MBP: variants seen among roughly 807,000 people sequenced by gnomAD.
MBP encodes the protein Golli-MBP.
In MBP, 16 loss-of-function variants were observed where a neutral mutation model predicts 35.8. The observed-to-expected ratio is 0.45, with a 90% CI of 0.30 to 0.68. The LOEUF is 0.68. Among genes scored for constraint, MBP ranks in the 30% least tolerant of loss-of-function variants. MBP has a pLI of 0.08. For missense variants in MBP, 380 were observed against 404.7 expected, an observed-to-expected ratio of 0.94 and a Z score of 0.52; for synonymous variants, 143 against 159.6, an observed-to-expected ratio of 0.90 and a Z score of 0.78.
chr18:76,982,749 A>G (rs1022935555), intron 8 of MBP: 3 of 152,210 alleles, frequency 2.0e-5, no homozygotes, highest in African/African-American at 7.2e-5. Context: ...GAGCTGATTT[A>G]TTAATCTATT....
intron 1 of MBP, chr18:77,108,763 T>C (rs775719973): frequency 2.0e-5 from 3 of 152,234 alleles, no homozygotes; most frequent in Non-Finnish European, 2.9e-5. Flanking sequence ...TAATTCAGCA[T>C]AGATAAAACT....
chr18:77,026,443 A>G (rs1430908878), intron 3 of MBP, among the ~76,000 whole-genome samples: 1 of 151,640 alleles, frequency 6.6e-6, no homozygotes, highest in Non-Finnish European at 1.5e-5. Flanking sequence ...TTCTCCACGA[A>G]GGCAATCACA....
chr18:77,052,817 A>G (rs996804707), intron 3 of MBP, among the ~76,000 whole-genome samples: 9 of 151,944 alleles, frequency 5.9e-5, no homozygotes, highest in African/African-American at 2.2e-4. Context: ...TGAGTCCCCG[A>G]GCCCCCACTC....
chr18:77,060,502 G>A (rs935103008), intron 3 of MBP, among the ~76,000 whole-genome samples: 1 of 137,028 alleles, frequency 7.3e-6, no homozygotes, highest in African/African-American at 3.0e-5. Flanking sequence ...TGCCCAGGCT[G>A]GAGTGCAGTG....
intron 3 of MBP, among the ~76,000 whole-genome samples, chr18:77,064,058 C>T (rs1414968935): frequency 6.6e-6 from 1 of 152,166 alleles, no homozygotes; most frequent in Non-Finnish European, 1.5e-5. Context: ...TTCTAGAACT[C>T]ACTTTTATTT....
intron 3 of MBP, among the ~76,000 whole-genome samples, chr18:77,028,460 C>G (rs1194862378): frequency 9.3e-6 from 1 of 107,372 alleles, no homozygotes; most frequent in East Asian, 2.6e-4. Context: ...TTCTATTCCA[C>G]AAAACCGCCA....
intron 4 of MBP, among the ~76,000 whole-genome samples, chr18:76,998,643 T>A (rs1056795035): frequency 1.3e-5 from 2 of 152,168 alleles, no homozygotes; most frequent in Admixed American, 6.5e-5. Flanking sequence ...GCACGCGGCA[T>A]CGGGACATTG....
chr18:77,063,654 CA>C (rs1323928093), intron 3 of MBP, among the ~76,000 whole-genome samples: 1 of 152,174 alleles, frequency 6.6e-6, no homozygotes, highest in Non-Finnish European at 1.5e-5. Context: ...CTCTTCCTAT[CA>C]AAACACAACC....
chr18:77,058,204 C>T (rs1973820294), intron 3 of MBP, among the ~76,000 whole-genome samples: 1 of 152,184 alleles, frequency 6.6e-6, no homozygotes, highest in African/African-American at 2.4e-5. Flanking sequence ...CATCCCCTCC[C>T]CAGCCCTGGA....
chr18:77,128,448 T>C (rs1213071089), intron 1 of MBP, among the ~76,000 whole-genome samples: 1 of 152,068 alleles, frequency 6.6e-6, no homozygotes, highest in East Asian at 1.9e-4. Context: ...AACTCTCCTG[T>C]CCTCTGATGT....
intron 2 of MBP, among the ~76,000 whole-genome samples, chr18:77,096,390 T>G (rs1003059021): frequency 1.1e-4 from 17 of 152,174 alleles, no homozygotes; most frequent in African/African-American, 4.1e-4. Context: ...GCAGGGGGTG[T>G]GATTGCCCCT....
intron 2 of MBP, among the ~76,000 whole-genome samples, chr18:77,088,580 T>C (rs1383256262): frequency 1.3e-5 from 2 of 152,248 alleles, no homozygotes; most frequent in Admixed American, 1.3e-4. Flanking sequence ...ATTAAAATGT[T>C]CTAGAGATAT....
intron 2 of MBP, among the ~76,000 whole-genome samples, chr18:77,091,533 C>A (rs888616302): frequency 2.0e-5 from 3 of 151,956 alleles, no homozygotes; most frequent in African/African-American, 7.3e-5. Context: ...CGGGAAGAGG[C>A]CACACAGTGT....
At chr18:77,094,221 G>A (rs1307160946) in intron 2 of MBP, among the ~76,000 whole-genome samples, 1 of 152,206 alleles carries the variant, frequency 6.6e-6, no homozygotes, top group Non-Finnish European at 1.5e-5. Flanking sequence ...TGATCTGCCT[G>A]CCTTGGCCTC....
chr18:77,092,068 A>G (rs562573880), intron 2 of MBP, among the ~76,000 whole-genome samples: 1 of 152,274 alleles, frequency 6.6e-6, no homozygotes. Flanking sequence ...AATATAAAAA[A>G]GTTCTTTCCT....
chr18:77,012,853 G>T (rs551814816), intron 4 of MBP: 2 of 985,030 alleles, frequency 2.0e-6, no homozygotes, highest in African/African-American at 1.7e-5. Context: ...AAAGCCAAAA[G>T]CTCATAATAA....
intron 7 of MBP, chr18:76,986,355 C>T: frequency 1.0e-6 from 1 of 985,494 alleles, no homozygotes; most frequent in Non-Finnish European, 1.2e-6. Flanking sequence ...ACAGGGAGGA[C>T]CTTGACCAAC....
rs189554126 is a variant in MBP, at chr18:76,993,276, G to A, written c.577-3216C>T. On this transcript the variant is annotated intron_variant, in intron 4 of 8. Transcript: ENST00000355994. ...TGAAAGAGGGATCCCATTTTGGCTG[G>A]GTGTGGTGGCTCGTGCCTGTAATCC... Among the ~76,000 whole-genome samples the A allele has an allele frequency of 1.3e-3, 204 of 152,314 alleles. 1 individual carries two copies. Among genetic ancestry groups the A allele is most frequent in the African/African-American group, 4.8e-3 (201 of 41,574 alleles).
chr18:77,064,887 G>C (rs976404275), intron 3 of MBP, among the ~76,000 whole-genome samples: 5 of 152,134 alleles, frequency 3.3e-5, no homozygotes, highest in African/African-American at 9.7e-5. Flanking sequence ...CTCAGGATCT[G>C]AGCACATTTC....
Sources: allele counts gnomAD v4.1 joint callset (sites outside exome capture counted in the v4.1 genomes callset), GRCh38; gene constraint gnomAD v4.1.1; transcripts MANE v1.5; gene names NCBI Gene and HGNC (gene_info 2026-07-23, HGNC 2026-07-21).